Variants in MYH11 observed in about 807,000 individuals in gnomAD.
MYH11 encodes the protein myosin heavy chain 11.
In MYH11, 80 loss-of-function variants were observed where a neutral mutation model predicts 246.6. The ratio of observed to expected loss-of-function variants is 0.32; its 90% CI spans 0.27 to 0.39. The LOEUF is 0.39. Ranked by LOEUF, MYH11 falls within the 10% of genes least tolerant of loss-of-function variation. The probability of loss-of-function intolerance (pLI) is 1.00; values close to 1 mark genes in which losing one functional copy is unlikely to be tolerated. For missense variants in MYH11, 2,158 were observed against 2,546.8 expected (o/e 0.85, Z 3.29); for synonymous variants, 1,071 against 1,015.5 (o/e 1.05, Z -1.04).
chr16:15,721,197 G>C (rs2040457349), intron 32 of MYH11, 146 bp from the exon 33 acceptor site: 1 of 993,226 alleles, frequency 1.0e-6, no homozygotes, highest in Non-Finnish European at 1.5e-6. Context: ...GATGACCCCT[G>C]AGAGTTCAGA....
intron 24 of MYH11, 103 bp downstream of exon 24, chr16:15,738,462 A>C (rs927140895): frequency 2.6e-6 from 3 of 1,141,352 alleles, no homozygotes; most frequent in African/African-American, 3.1e-5. Context: ...GCAGTGAGCC[A>C]TGATCGCACC....
At chr16:15,721,078 C>CTA in intron 32 of MYH11, 27 bp from the exon 33 acceptor site, 1 of 1,609,154 alleles carries the variant, frequency 6.2e-7, no homozygotes, top group Non-Finnish European at 8.5e-7. Flanking sequence ...CAGCCCCATT[C>CTA]TATGAGGCTC....
chr16:15,810,584 C>T (rs2043116580), intron 3 of MYH11, among the ~76,000 whole-genome samples: 1 of 152,090 alleles, frequency 6.6e-6, no homozygotes, highest in South Asian at 2.1e-4. Flanking sequence ...CACTGCAAAA[C>T]CCACAAGAGA....
rs765006823 is a variant in MYH11, at chr16:15,763,878, C to T, written c.1047G>A (p.Val349=). Reference sequence around the variant, plus strand: ...TTCCAAGCTGCAGGACCGATGATACCACCTTCAATATGGCTGAGGTGGGGA... The same window carrying T: ...TTCCAAGCTGCAGGACCGATGATACTACCTTCAATATGGCTGAGGTGGGGA... ...SEEEQLSILK[V]VSSVLQLGNI... is the part of the protein sequence containing the mutation. The change falls in exon 10 of 41, where the codon GTG becomes GTA. Residue 349 remains valine, a synonymous_variant. Coordinates refer to ENST00000300036, the MANE Select transcript of MYH11 (RefSeq NM_002474.3). The T allele has an allele frequency of 8.1e-6, 13 of 1,613,180 alleles. No homozygotes were observed. Among genetic ancestry groups the T allele is most frequent in the African/African-American group, 6.7e-5 (5 of 74,932 alleles).
At chr16:15,760,435 G>T in intron 11 of MYH11, 105 bp downstream of exon 11, 1 of 911,460 alleles carries the variant, frequency 1.1e-6, no homozygotes, top group Non-Finnish European at 1.9e-6. Flanking sequence ...GGCAGACCAT[G>T]GGTGAATGGA....
intron 10 of MYH11, among the ~76,000 whole-genome samples, chr16:15,762,247 T>C (rs1049339358): frequency 4.6e-5 from 7 of 152,202 alleles, no homozygotes; most frequent in African/African-American, 1.7e-4. Context: ...AATCCTAGGA[T>C]TACAGGCATG....
At position 15,712,066 on chromosome 16, in the gene MYH11, G is replaced by T. The variant is rs552906402; in HGVS notation, c.5786+2843C>A. On this transcript the variant is annotated intron_variant, in intron 40 of 40. Coordinates refer to ENST00000300036, the MANE Select transcript of MYH11 (RefSeq NM_002474.3). ...TGTGGGGTATAAAGGAGACCAAAAC[G>T]TTAAGAAGGACCACGAGGTTTGTGA... Among the ~76,000 whole-genome samples the T allele has an allele frequency of 4.6e-5, 7 of 152,204 alleles. No individual in the cohort carries two copies. The East Asian group carries it at 9.7e-4, about 21-fold the overall frequency.
chr16:15,808,504 T>G (rs983235896), intron 3 of MYH11, among the ~76,000 whole-genome samples: 4 of 152,038 alleles, frequency 2.6e-5, no homozygotes, highest in African/African-American at 9.7e-5. Context: ...CCCGGCAGAG[T>G]TGGTTAGGAT....
At chr16:15,710,172 A>G (rs1395475304) in intron 40 of MYH11, among the ~76,000 whole-genome samples, 2 of 152,200 alleles carry the variant, frequency 1.3e-5, no homozygotes, top group African/African-American at 4.8e-5. Context: ...TTGGCTGCCC[A>G]AGAAGGCTCA....
intron 22 of MYH11, among the ~76,000 whole-genome samples, chr16:15,740,617 A>AG (rs2041247098): frequency 6.6e-6 from 1 of 151,926 alleles, no homozygotes; most frequent in Non-Finnish European, 1.5e-5. Flanking sequence ...TCTCAAAAAA[A>AG]AAAAAAAAAT....
In MYH11 at chr16:15,757,614, A is replaced by AT. The variant is rs141333088; in HGVS notation, c.1575+212_1575+213insA. Among the ~76,000 whole-genome samples the AT allele has an allele frequency of 0.024, 3,712 of 152,004 alleles. 140 individuals are homozygous for AT. Among genetic ancestry groups the AT allele is most frequent in the African/African-American group, 0.085 (3,505 of 41,428 alleles). ...AAAAAAGAGGATGGAAGGAAGGCAG[A>AT]AATTAAAGAAAATACCTTTGATATG... On this transcript the variant is annotated intron_variant, in intron 13 of 40. Coordinates refer to ENST00000300036, the MANE Select transcript of MYH11 (RefSeq NM_002474.3).
In MYH11 at chr16:15,831,976, T is replaced by C. The variant is rs542747833; in HGVS notation, c.345+5932A>G. Among the ~76,000 whole-genome samples, 8 of 151,902 alleles carry C rather than the reference T, an allele frequency of 5.3e-5. No individual in the cohort carries two copies. In the East Asian group the frequency reaches 1.5e-3, roughly 29 times the overall value. ...GATCAGAAGGGCTAATGCTTGGGGC[T>C]TGACAAAGGGCAGCTTCCAGTTACA... On this transcript the variant is annotated intron_variant, in intron 2 of 40. Coordinates refer to ENST00000300036, the MANE Select transcript of MYH11 (RefSeq NM_002474.3).
At chr16:15,776,291 G>T (rs897101411) in intron 7 of MYH11, 115 bp from the exon 8 acceptor site, 8 of 761,494 alleles carry the variant, frequency 1.1e-5, no homozygotes, top group Non-Finnish European at 1.9e-5. Flanking sequence ...CTACCCCTGG[G>T]ATCGGTAATG....
Position 15,771,582 on chromosome 16 carries a change from C to T in MYH11, c.1020G>A (p.Glu340=), listed in dbSNP as rs1225127871. 1.3e-5 allele frequency: 21 copies of T among 1,613,874 alleles called. No homozygotes were observed. The highest frequency in any genetic ancestry group is 2.2e-5 in the East Asian group (1 of 44,886). The change falls in exon 9 of 41, where the codon GAG becomes GAA. Residue 340 remains glutamate (E), a synonymous_variant. Transcript: ENST00000300036. ...VEAMAIMGFS[E]EEQLSILKVV... ...TGTGAGGCTTACATAGCTGCTCCTC[C>T]TCGCTGAAACCCATGATTGCCATGG...
Position 15,721,468 on chromosome 16 carries a change from G to T in MYH11, c.4532C>A (p.Ala1511Asp). ...ELERTNKMLK[A>D]EMEDLVSSKD... ...GGAGCTGACCAGGTCTTCCATTTCGGCTTTGAGCATTTTGTTGGTCCGCTC... is the reference window on the plus strand; with the variant it reads ...GGAGCTGACCAGGTCTTCCATTTCGTCTTTGAGCATTTTGTTGGTCCGCTC... The change falls in exon 32 of 41, where the codon GCC (alanine) becomes GAC (aspartate). Residue 1511 changes from alanine (A) to aspartate (D), a missense_variant. Transcript: ENST00000300036. The T allele has an allele frequency of 6.2e-7, 1 of 1,614,138 alleles. No individual in the cohort carries two copies. The highest frequency in any genetic ancestry group is 8.5e-7 in the Non-Finnish European group (1 of 1,180,032).
In MYH11 at chr16:15,726,894, C is replaced by G. The variant is rs568726096; in HGVS notation, c.3812G>C (p.Gly1271Ala). The stretch of plus-strand genomic sequence containing the variant: ...ATTGAGCTCCGCCCGGGCCCGCTCC[C>G]CATCGCTGCACTTGGACTGCAGCTC... Reference protein sequence around the residue: ...VQELQSKCSDGERARAELNDK... With the variant: ...VQELQSKCSDAERARAELNDK... The change falls in exon 28 of 41, where the codon GGG (glycine) becomes GCG (alanine). Residue 1271 changes from glycine to alanine, a missense_variant. Around this residue, in one of 11 missense-constraint regions of MYH11, gnomAD observed 1,013 missense variants for 993.5 expected, o/e 1.02. Transcript: ENST00000300036. The G allele has an allele frequency of 1.2e-6, 2 of 1,612,626 alleles. No individual in the cohort carries two copies. The highest frequency in any genetic ancestry group is 2.7e-5 in the African/African-American group (2 of 75,014).
intron 36 of MYH11, chr16:15,719,015 C>G: frequency 1.6e-6 from 1 of 621,838 alleles, no homozygotes; most frequent in African/African-American, 1.8e-5. Context: ...GTAGTCTCAG[C>G]TACTCAGAAG....
intron 6 of MYH11, 35 bp downstream of exon 6, chr16:15,782,350 C>T (rs767966149): frequency 6.3e-7 from 1 of 1,597,066 alleles, no homozygotes; most frequent in East Asian, 2.2e-5. Flanking sequence ...GACACCAAAG[C>T]TTTTCTGGAA....
intron 9 of MYH11, among the ~76,000 whole-genome samples, chr16:15,768,617 A>T (rs1489199858): frequency 6.6e-6 from 1 of 152,184 alleles, no homozygotes. Context: ...TTATTTGCTT[A>T]ATCATTTTCT....
Sources: allele counts gnomAD v4.1 joint callset (sites outside exome capture counted in the v4.1 genomes callset), GRCh38; gene constraint gnomAD v4.1.1; regional missense constraint gnomAD v4.1.1; transcripts MANE v1.5; gene names NCBI Gene and HGNC (gene_info 2026-07-23, HGNC 2026-07-21).